Variants in STYXL1 observed in about 807,000 individuals in gnomAD.
STYXL1 encodes serine/threonine/tyrosine-interacting-like protein 1.
STYXL1 carries 32 observed loss-of-function variants against 36.4 expected under a neutral mutation model. The ratio of observed to expected loss-of-function variants is 0.88; its 90% CI spans 0.66 to 1.18. The LOEUF (loss-of-function observed/expected upper bound fraction) is 1.18. STYXL1 is among the 50% of genes most tolerant of loss of function. STYXL1 has a pLI of 0.00. For missense variants in STYXL1, 354 were observed against 394.1 expected, an observed-to-expected ratio of 0.90 and a Z score of 0.86; for synonymous variants, 133 against 144.1, an observed-to-expected ratio of 0.92 and a Z score of 0.55.
intron 1 of STYXL1, among the ~76,000 whole-genome samples, chr7:76,046,220 G>C (rs1796941762): frequency 6.6e-6 from 1 of 151,174 alleles, no homozygotes; most frequent in Non-Finnish European, 1.5e-5. Context: ...CTCCTCTGGA[G>C]TTGAATGTTC....
intron 7 of STYXL1, among the ~76,000 whole-genome samples, chr7:76,003,126 T>C (rs1169768450): frequency 2.6e-5 from 4 of 151,704 alleles, no homozygotes; most frequent in Non-Finnish European, 4.4e-5. Flanking sequence ...AAATCCACTC[T>C]TGATGAGTTA....
chr7:76,011,859 C>T (rs1351687178), intron 5 of STYXL1, among the ~76,000 whole-genome samples: 2 of 152,254 alleles, frequency 1.3e-5, no homozygotes, highest in Non-Finnish European at 2.9e-5. Context: ...GTCCAGCTTC[C>T]AGCCACTGCC....
chr7:75,999,551 G>A (rs77726520), intron 8 of STYXL1, among the ~76,000 whole-genome samples: 32,229 of 79,742 alleles, frequency 0.4, 3,803 homozygotes, highest in East Asian at 0.54. Flanking sequence ...GTGTGTGTGT[G>A]TATATTTTTT....
intron 8 of STYXL1, among the ~76,000 whole-genome samples, chr7:75,996,812 A>C (rs1790188118): frequency 6.6e-6 from 1 of 152,230 alleles, no homozygotes; most frequent in South Asian, 2.1e-4. Flanking sequence ...TCTGCTTCTA[A>C]ATCTGGTGAC....
At chr7:76,005,234 A>G (rs782785158) in intron 6 of STYXL1, 25 bp downstream of exon 6, 5 of 1,305,072 alleles carry the variant, frequency 3.8e-6, no homozygotes, top group Admixed American at 2.9e-5. Context: ...AATGAAATAT[A>G]AATCAGTAGT....
chr7:76,033,816 C>T (rs1355146153), intron 1 of STYXL1, among the ~76,000 whole-genome samples: 14 of 152,184 alleles, frequency 9.2e-5, no homozygotes, highest in African/African-American at 3.1e-4. Flanking sequence ...ACCGCCTCCA[C>T]TTCTTCACCT....
chr7:76,013,931 C>T, intron 4 of STYXL1, 44 bp from the exon 5 acceptor site: 1 of 1,569,194 alleles, frequency 6.4e-7, no homozygotes, highest in Non-Finnish European at 8.6e-7. Context: ...TGTGTATCTG[C>T]CATTGGTCTA....
At chr7:76,012,021 T>G (rs1302660634) in intron 5 of STYXL1, among the ~76,000 whole-genome samples, 4 of 152,248 alleles carry the variant, frequency 2.6e-5, no homozygotes, top group African/African-American at 9.6e-5. Flanking sequence ...AAAAATAGGC[T>G]GAGTGCAGTG....
At chr7:76,002,835 G>T (rs1011655355) in intron 7 of STYXL1, among the ~76,000 whole-genome samples, 3 of 152,146 alleles carry the variant, frequency 2.0e-5, no homozygotes, top group Admixed American at 6.5e-5. Flanking sequence ...GAGGTAGGAG[G>T]ATTGCTTGAG....
intron 2 of STYXL1, 84 bp downstream of exon 2, chr7:76,030,337 C>G (rs1389024146): frequency 8.6e-6 from 9 of 1,046,266 alleles, no homozygotes; most frequent in Non-Finnish European, 1.3e-5. Flanking sequence ...TGCCCCCCAC[C>G]CCGCCAAAAG....
intron 5 of STYXL1, among the ~76,000 whole-genome samples, chr7:76,011,638 T>C (rs1390900109): frequency 1.3e-5 from 2 of 152,254 alleles, no homozygotes; most frequent in Non-Finnish European, 2.9e-5. Flanking sequence ...TACATTCCAT[T>C]GTGTTCAGAC....
chr7:76,023,095 A>G (rs1554576676), intron 3 of STYXL1, among the ~76,000 whole-genome samples: 1 of 152,100 alleles, frequency 6.6e-6, no homozygotes, highest in African/African-American at 2.4e-5. Flanking sequence ...CCAAACCTAA[A>G]GCAGCTGGCT....
intron 1 of STYXL1, among the ~76,000 whole-genome samples, chr7:76,034,807 G>A (rs994455048): frequency 6.6e-6 from 1 of 152,144 alleles, no homozygotes; most frequent in Non-Finnish European, 1.5e-5. Flanking sequence ...CTGGAAGAAG[G>A]GGGCAAGATC....
chr7:76,011,220 G>T (rs146419691), intron 5 of STYXL1, among the ~76,000 whole-genome samples: 1 of 152,038 alleles, frequency 6.6e-6, no homozygotes, highest in Non-Finnish European at 1.5e-5. Flanking sequence ...TCTCTAAAAC[G>T]TATATATCGC....
Position 76,006,743 on chromosome 7 carries a change from G to A in STYXL1, c.454-1339C>T, listed in dbSNP as rs548504970. Reference sequence around the variant, plus strand: ...TGTGCCACTGCACTCCAGCCTGGGCGACAGAATGAGACTCCGTCTCAAAAA... The same window carrying A: ...TGTGCCACTGCACTCCAGCCTGGGCAACAGAATGAGACTCCGTCTCAAAAA... On this transcript the variant is annotated intron_variant, in intron 5 of 8. Coordinates refer to ENST00000359697, the MANE Select transcript of STYXL1 (RefSeq NM_001317785.2). Among the ~76,000 whole-genome samples, 87 of 142,660 alleles carry A rather than the reference G, an allele frequency of 6.1e-4. 1 individual carries two copies. The South Asian group carries it at 0.016, about 27-fold the overall frequency. 93.6% of individuals were successfully genotyped at this position (142,660 alleles called of 152,430 possible).
chr7:76,022,397 C>T (rs1554576504), intron 3 of STYXL1, among the ~76,000 whole-genome samples: 1 of 151,960 alleles, frequency 6.6e-6, no homozygotes, highest in Non-Finnish European at 1.5e-5. Context: ...CAGTGGTTTG[C>T]ACCTGTAATC....
intron 6 of STYXL1, among the ~76,000 whole-genome samples, chr7:76,004,776 A>G (rs1042734055): frequency 3.9e-5 from 6 of 152,010 alleles, no homozygotes. Flanking sequence ...CCAAGGCGGG[A>G]TGATCACAAG....
intron 4 of STYXL1, among the ~76,000 whole-genome samples, chr7:76,017,611 C>T (rs1459972812): frequency 6.6e-6 from 1 of 151,652 alleles, no homozygotes; most frequent in African/African-American, 2.4e-5. Context: ...TGGGGCCAGG[C>T]GCGATGGCTC....
chr7:76,004,695 C>A (rs775079162), intron 6 of STYXL1, among the ~76,000 whole-genome samples: 7 of 149,284 alleles, frequency 4.7e-5, no homozygotes, highest in Admixed American at 6.7e-5. Flanking sequence ...CAGAGCAAGA[C>A]CCCATCTCAA....
Sources: gnomAD v4.1 joint callset for allele counts (sites outside exome capture counted in the v4.1 genomes callset) on GRCh38, gnomAD v4.1.1 for gene constraint, MANE v1.5 for transcripts, NCBI Gene and HGNC (gene_info 2026-07-23, HGNC 2026-07-21) for gene names.